The following AGAP1 variants were observed in gnomAD, a reference collection of about 807,000 sequenced individuals.
AGAP1 encodes ArfGAP with GTPase domain, ankyrin repeat and PH domain 1.
Under a neutral mutation model 105.3 loss-of-function variants are expected in AGAP1, and 29 were observed. The observed-to-expected ratio is 0.28, with a 90% CI of 0.21 to 0.38. The LOEUF is 0.38. Ranked by LOEUF, AGAP1 falls within the 10% of genes least tolerant of loss-of-function variation. The pLI is 1.00. For synonymous variants in AGAP1, 509 were observed against 485.9 expected, an observed-to-expected ratio of 1.05 and a Z score of -0.63; for missense variants, 998 against 1,165.1, an observed-to-expected ratio of 0.86 and a Z score of 2.09.
At chr2:235,850,764 T>A (rs1559561361) in intron 9 of AGAP1, among the ~76,000 whole-genome samples, 1 of 152,136 alleles carries the variant, frequency 6.6e-6, no homozygotes, top group Non-Finnish European at 1.5e-5. Flanking sequence ...TTCACACACA[T>A]TTGAGATTTG....
intron 1 of AGAP1, among the ~76,000 whole-genome samples, chr2:235,516,464 C>T (rs190044399): frequency 2.5e-4 from 38 of 152,284 alleles, no homozygotes; most frequent in Middle Eastern, 3.4e-3. Context: ...AAGTCTGGTG[C>T]AGCTTCTTTC....
rs888960551 is a variant in AGAP1, at chr2:236,126,305, C to T, written c.*2183C>T. On this transcript the variant is annotated 3_prime_UTR_variant, in exon 18 of 18. Coordinates refer to ENST00000304032, the MANE Select transcript of AGAP1 (RefSeq NM_001037131.3). ...CAGGTCATTGCCTATTTTTGAAGAA[C>T]GCGTTGGTGTTCGAGTCCACTAGAC... The T allele has an allele frequency of 2.0e-5, 3 of 152,226 alleles. No homozygotes were observed. Among genetic ancestry groups the T allele is most frequent in the Non-Finnish European group, 2.9e-5 (2 of 68,010 alleles). 9.4% of individuals were successfully genotyped at this position (152,226 alleles called of 1,614,324 possible).
chr2:235,748,833 T>C (rs187814285), intron 5 of AGAP1, among the ~76,000 whole-genome samples: 140 of 152,336 alleles, frequency 9.2e-4, no homozygotes, highest in Middle Eastern at 3.4e-3. Context: ...ATCCTGTTGG[T>C]GGATTTTTGT....
chr2:235,510,055 C>A lies in AGAP1; in HGVS notation c.163+15206C>A, dbSNP rs553312883. Among the ~76,000 whole-genome samples the A allele has an allele frequency of 4.4e-4, 67 of 152,248 alleles. No individual in the cohort carries two copies. In the South Asian group the frequency reaches 0.013, roughly 30 times the overall value. On this transcript the variant is annotated intron_variant, in intron 1 of 17. Transcript: ENST00000304032. ...TGATGATCTGTCACTGTCTCCTGTC[C>A]CCCCCAGCTGGGACCCTCTAGTTGC...
chr2:235,768,280 T>TA (rs2149828940), intron 6 of AGAP1, among the ~76,000 whole-genome samples: 1 of 152,352 alleles, frequency 6.6e-6, no homozygotes, highest in Non-Finnish European at 1.5e-5. Flanking sequence ...TCTATATTTG[T>TA]AAAATGGGAC....
At chr2:235,941,786 G>C (rs1408405416) in intron 12 of AGAP1, among the ~76,000 whole-genome samples, 1 of 152,148 alleles carries the variant, frequency 6.6e-6, no homozygotes, top group Non-Finnish European at 1.5e-5. Flanking sequence ...GAACTCAGTA[G>C]GCTAAAGGGA....
intron 16 of AGAP1, chr2:236,072,684 T>G (rs1379902065): frequency 6.6e-6 from 1 of 152,192 alleles, no homozygotes; most frequent in East Asian, 1.9e-4. Context: ...TGGCTCAAAT[T>G]CCTGACTTCA....
At position 236,001,268 on chromosome 2, in the gene AGAP1, G is replaced by A. The variant is rs2056109409; in HGVS notation, c.1645+32645G>A. On this transcript the variant is annotated intron_variant, in intron 13 of 17. Coordinates refer to ENST00000304032, the MANE Select transcript of AGAP1 (RefSeq NM_001037131.3). This position sits in a 1 kb window ranked among gnomAD's most constrained non-coding sequence, Gnocchi z 4.7. Reference sequence around the variant, plus strand: ...AGCCTTCATGGGGAGCCCTGGCATGGCCTTCAGGCCTCCGAGGAACCCAGA... The same window carrying A: ...AGCCTTCATGGGGAGCCCTGGCATGACCTTCAGGCCTCCGAGGAACCCAGA... Among the ~76,000 whole-genome samples the A allele has an allele frequency of 6.6e-6, 1 of 152,216 alleles. No individual in the cohort carries two copies. The highest frequency in any genetic ancestry group is 1.5e-5 in the Non-Finnish European group (1 of 68,042).
chr2:235,951,636 G>A lies in AGAP1; in HGVS notation c.1484-16826G>A, dbSNP rs967925748. On this transcript the variant is annotated intron_variant, in intron 12 of 17. Transcript: ENST00000304032. The surrounding 1 kb of genome is among the most constrained non-coding windows in gnomAD (Gnocchi z 4.2). ...GAATGTCACCCACCCTGGGGAAGGT[G>A]GCTCGTGTCACTACCCTTTGCTACA... Among the ~76,000 whole-genome samples the A allele has an allele frequency of 2.0e-5, 3 of 152,154 alleles. No homozygotes were observed. Among genetic ancestry groups the A allele is most frequent in the Non-Finnish European group, 4.4e-5 (3 of 68,036 alleles).
intron 1 of AGAP1, among the ~76,000 whole-genome samples, chr2:235,646,526 G>A (rs112184247): frequency 1.3e-5 from 2 of 152,296 alleles, no homozygotes; most frequent in African/African-American, 4.8e-5. Context: ...TCCTCTCCAT[G>A]TAGGAACGGG....
rs1166523228 is a variant in AGAP1 at position 235,604,572 on chromosome 2, C to CTTTTTTTTTT, written c.164-104588_164-104579dup. ...CGTGTTTCTTTTTTATTTTTATTAT[C>CTTTTTTTTTT]TTTTTTTTTTTTTTTTTTTTTTTTT... On this transcript the variant is annotated intron_variant, in intron 1 of 17. Coordinates refer to ENST00000304032, the MANE Select transcript of AGAP1 (RefSeq NM_001037131.3). Among the ~76,000 whole-genome samples the CTTTTTTTTTT allele has an allele frequency of 1.4e-4, 10 of 69,680 alleles. 1 individual carries two copies. Among genetic ancestry groups the CTTTTTTTTTT allele is most frequent in the African/African-American group, 2.7e-4 (4 of 14,984 alleles). The allele number at this position is 69,680 out of a possible 152,430, so 45.7% of individuals were successfully genotyped here. A position where few individuals can be genotyped will look rare whatever the true frequency, so the allele number is the denominator to read the frequency against.
At chr2:235,673,553 GAAAT>G (rs913291437) in intron 1 of AGAP1, among the ~76,000 whole-genome samples, 36 of 152,320 alleles carry the variant, frequency 2.4e-4, no homozygotes, top group South Asian at 4.1e-4. Flanking sequence ...CATACTCAGT[GAAAT>G]AAATAGTGAT....
At position 235,875,376 on chromosome 2, in the gene AGAP1, C is replaced by T. The variant is rs756755214; in HGVS notation, c.1051-7969C>T. On this transcript the variant is annotated intron_variant, in intron 9 of 17. Transcript: ENST00000304032. The surrounding 1 kb of genome is among the most constrained non-coding windows in gnomAD (Gnocchi z 4.0). ...CCCACCGAGGTGCGAGTCTCACCAT[C>T]GTGCTGTCTGCTGAGAGATCTGATT... Among the ~76,000 whole-genome samples, 7 of 152,210 alleles carry T rather than the reference C, an allele frequency of 4.6e-5. No individual in the cohort carries two copies. Among genetic ancestry groups the T allele is most frequent in the African/African-American group, 1.4e-4 (6 of 41,452 alleles).
rs1252993000 is a variant in AGAP1, at chr2:236,051,793, G to T, written c.2114+2512G>T. Among the ~76,000 whole-genome samples, 1 of 152,184 alleles carries T rather than the reference G, an allele frequency of 6.6e-6. No homozygotes were observed. Among genetic ancestry groups the T allele is most frequent in the East Asian group, 1.9e-4 (1 of 5,180 alleles). On this transcript the variant is annotated intron_variant, in intron 16 of 17. Coordinates refer to ENST00000304032, the MANE Select transcript of AGAP1 (RefSeq NM_001037131.3). This position sits in a 1 kb window ranked among gnomAD's most constrained non-coding sequence, Gnocchi z 5.9. ...ACTAAAGGCAGCCAGCAAGGTCTGT[G>T]TCCCTTCCCGCTGGAAGGCCAGGGT... is the stretch of plus-strand genomic sequence containing the variant.
Position 235,993,493 on chromosome 2 carries a change from A to G in AGAP1, c.1645+24870A>G, listed in dbSNP as rs1260699968. ...AGACAGGGAGCACCTCTGCAGGCCT[A>G]TAGGGAGGTAGTAATTGGATTTGCG... On this transcript the variant is annotated intron_variant, in intron 13 of 17. Transcript: ENST00000304032. This position sits in a 1 kb window ranked among gnomAD's most constrained non-coding sequence, Gnocchi z 5.0. Among the ~76,000 whole-genome samples the G allele has an allele frequency of 2.0e-5, 3 of 152,228 alleles. No homozygotes were observed. Among genetic ancestry groups the G allele is most frequent in the East Asian group, 3.8e-4 (2 of 5,204 alleles).
At chr2:235,678,718 T>TCCTG (rs950779005) in intron 1 of AGAP1, among the ~76,000 whole-genome samples, 42 of 152,240 alleles carry the variant, frequency 2.8e-4, no homozygotes, top group Admixed American at 8.5e-4. Context: ...TGGACTGTCC[T>TCCTG]CCTGCCTGCC....
In AGAP1 at chr2:236,087,264, G is replaced by A. The variant is rs1218639052; in HGVS notation, c.2115-32928G>A. ...GCCCATCAGGGGACAGGGCATTCCA[G>A]TGTTATTTAGGGGTCGAGGTGGGAA... On this transcript the variant is annotated intron_variant, in intron 16 of 17. Coordinates refer to ENST00000304032, the MANE Select transcript of AGAP1 (RefSeq NM_001037131.3). This position sits in a 1 kb window ranked among gnomAD's most constrained non-coding sequence, Gnocchi z 5.7. Among the ~76,000 whole-genome samples, 2 of 152,040 alleles carry A rather than the reference G, an allele frequency of 1.3e-5. No homozygotes were observed. The highest frequency in any genetic ancestry group is 4.8e-5 in the African/African-American group (2 of 41,364).
intron 1 of AGAP1, among the ~76,000 whole-genome samples, chr2:235,587,095 T>C (rs1223980080): frequency 6.6e-6 from 1 of 152,216 alleles, no homozygotes; most frequent in Non-Finnish European, 1.5e-5. Context: ...GAATAGTTTT[T>C]GAGCCATTTG....
chr2:235,650,650 C>T (rs1464117637), intron 1 of AGAP1, among the ~76,000 whole-genome samples: 1 of 152,178 alleles, frequency 6.6e-6, no homozygotes, highest in African/African-American at 2.4e-5. Context: ...CCCTGCTCTG[C>T]TGAAGAAAAC....
Sources: gnomAD v4.1 joint callset for allele counts (sites outside exome capture counted in the v4.1 genomes callset) on GRCh38, gnomAD v4.1.1 for gene constraint, Gnocchi (gnomAD v3.1) non-coding constraint, MANE v1.5 for transcripts, NCBI Gene and HGNC (gene_info 2026-07-23, HGNC 2026-07-21) for gene names.